Variants in ZNF705D observed in about 807,000 individuals in gnomAD.
The protein encoded by ZNF705D is zinc finger protein 705D.
For missense variants in ZNF705D, 6 were observed against 129.4 expected (o/e 0.05, Z 4.63); for synonymous variants, 1 against 43.8 (o/e 0.02, Z 3.86).
the ZNF705D span, among the ~76,000 whole-genome samples, chr8:12,097,527 G>T: frequency 6.8e-6 from 1 of 147,212 alleles, no homozygotes; most frequent in Non-Finnish European, 1.5e-5. Flanking sequence ...TACCCTTTGG[G>T]TACACCCTAC....
At position 12,109,464 on chromosome 8, in the gene ZNF705D, G is replaced by A. The variant is rs2698859; in HGVS notation, c.13-436G>A. Reference sequence around the variant, plus strand: ...CCATTTGATTGGGGAGAAACCTGTCGTTCATCTAGAGAAATAATTTATTTC... The same window carrying A: ...CCATTTGATTGGGGAGAAACCTGTCATTCATCTAGAGAAATAATTTATTTC... On this transcript the variant is annotated intron_variant, in intron 1 of 4. Coordinates refer to ENST00000400078, the Ensembl canonical transcript of ZNF705D. 1.4e-4 allele frequency among the ~76,000 whole-genome samples: 12 copies of A among 84,772 alleles called. 1 individual carries two copies. The highest frequency in any genetic ancestry group is 2.7e-4 in the African/African-American group (9 of 33,478). The allele number at this position is 84,772 out of a possible 152,430, so 55.6% of individuals were successfully genotyped here.
chr8:12,099,921 T>G (rs1400716134), upstream of ZNF705D, among the ~76,000 whole-genome samples: 62 of 122,878 alleles, frequency 5.0e-4, no homozygotes, highest in African/African-American at 1.4e-3. Context: ...CAGACATTTT[T>G]TTAGTGAACA....
upstream of ZNF705D, among the ~76,000 whole-genome samples, chr8:12,103,420 A>C (rs1377855118): frequency 1.8e-5 from 1 of 56,618 alleles, no homozygotes; most frequent in African/African-American, 3.9e-5. Context: ...CAGGAAGGAG[A>C]GGAAAATTCT....
chr8:12,107,367 T>C (rs1414301077), upstream of ZNF705D, among the ~76,000 whole-genome samples: 2 of 53,036 alleles, frequency 3.8e-5, 1 homozygote, highest in Non-Finnish European at 8.2e-5. Context: ...AGTGGTGGGA[T>C]CTCAGCTCAC....
the ZNF705D span, among the ~76,000 whole-genome samples, chr8:12,095,793 C>CACACACACACACAA: frequency 2.3e-5 from 1 of 43,514 alleles, no homozygotes; most frequent in South Asian, 9.4e-4. Flanking sequence ...CACACACACA[C>CACACACACACACAA]ACTCTATATG....
chr8:12,107,425 C>A (rs1802225495), upstream of ZNF705D, among the ~76,000 whole-genome samples: 1 of 44,486 alleles, frequency 2.2e-5, no homozygotes, highest in Non-Finnish European at 4.7e-5. Flanking sequence ...CTTCAGCTTC[C>A]TGAGTAGCTG....
At chr8:12,090,245 A>G in the ZNF705D span, among the ~76,000 whole-genome samples, 1 of 75,232 alleles carries the variant, frequency 1.3e-5, no homozygotes, top group African/African-American at 3.1e-5. Context: ...TACTTCCTCT[A>G]CTCCTGTATG....
upstream of ZNF705D, among the ~76,000 whole-genome samples, chr8:12,105,764 G>C (rs1432411646): frequency 1.3e-4 from 6 of 46,244 alleles, no homozygotes; most frequent in African/African-American, 5.8e-4. Flanking sequence ...GAGAGAGAGA[G>C]AGACAACTGG....
the ZNF705D span, among the ~76,000 whole-genome samples, chr8:12,089,737 T>C: frequency 2.9e-5 from 2 of 69,132 alleles, no homozygotes; most frequent in Non-Finnish European, 7.9e-5. Context: ...TCTCCTTGGG[T>C]GGGTCTTGCT....
At chr8:12,095,746 TTAC>T in the ZNF705D span, among the ~76,000 whole-genome samples, 1 of 15,588 alleles carries the variant, frequency 6.4e-5, no homozygotes, top group Non-Finnish European at 1.5e-4. Flanking sequence ...TCATCTCTTT[TTAC>T]TCCTACACAC....
chr8:12,089,787 G>T, the ZNF705D span, among the ~76,000 whole-genome samples: 5 of 61,020 alleles, frequency 8.2e-5, 2 homozygotes, highest in African/African-American at 1.5e-4. Flanking sequence ...TCCCAGGTCA[G>T]TGGAGTTGTG....
At chr8:12,113,264 G>A (rs1361742064), downstream of ZNF705D, 1 of 808,728 alleles carries the variant, frequency 1.2e-6, no homozygotes, top group Non-Finnish European at 1.7e-6. Flanking sequence ...TCACCCTGGA[G>A]AGAAAATTAT....
chr8:12,110,438 A>C (rs1484512751), intron 2 of ZNF705D, among the ~76,000 whole-genome samples: 3 of 57,216 alleles, frequency 5.2e-5, no homozygotes, highest in African/African-American at 1.2e-4. Context: ...ATTTTTGTAA[A>C]TCGAATGTTT....
At chr8:12,090,186 G>C in the ZNF705D span, among the ~76,000 whole-genome samples, 4 of 90,814 alleles carry the variant, frequency 4.4e-5, 1 homozygote, top group African/African-American at 1.1e-4. Context: ...GCCGTGCCAG[G>C]CAGGAATGGG....
downstream of ZNF705D, chr8:12,113,243 CA>C (rs1161579160): frequency 3.2e-6 from 3 of 931,280 alleles, no homozygotes; most frequent in Admixed American, 1.4e-4. Context: ...TCTTAAAAAG[CA>C]TCAGAAAATT....
chr8:12,099,916 A>AT (rs1802132828), upstream of ZNF705D, among the ~76,000 whole-genome samples: 1 of 129,858 alleles, frequency 7.7e-6, no homozygotes, highest in African/African-American at 2.9e-5. Flanking sequence ...ATGACCAGAC[A>AT]TTTTTTTAGT....
chr8:12,109,218 C>T (rs1344663810), intron 1 of ZNF705D, among the ~76,000 whole-genome samples: 1 of 85,176 alleles, frequency 1.2e-5, no homozygotes, highest in African/African-American at 3.1e-5. Flanking sequence ...TTTTCATGAA[C>T]ACCTGAATTA....
the ZNF705D span, among the ~76,000 whole-genome samples, chr8:12,091,805 T>G: frequency 3.6e-5 from 1 of 27,436 alleles, no homozygotes; most frequent in African/African-American, 7.4e-5. Context: ...TTTTGTTTTT[T>G]TTTTTTAGTA....
At chr8:12,103,166 A>G (rs1196292336), upstream of ZNF705D, among the ~76,000 whole-genome samples, 1 of 87,314 alleles carries the variant, frequency 1.1e-5, no homozygotes, top group Non-Finnish European at 2.6e-5. Context: ...TGCATCCTCC[A>G]ACTTTTTATT....
Sources: gnomAD v4.1 joint callset for allele counts (sites outside exome capture counted in the v4.1 genomes callset) on GRCh38, gnomAD v4.1.1 for gene constraint, MANE v1.5 for transcripts, NCBI Gene and HGNC (gene_info 2026-07-23, HGNC 2026-07-21) for gene names.